The following NYAP2 variants were observed in gnomAD, a reference collection of about 807,000 sequenced individuals.
The protein encoded by NYAP2 is neuronal tyrosine-phosphorylated phosphoinositide-3-kinase adapter 2.
In NYAP2, 23 loss-of-function variants were observed where a neutral mutation model predicts 50.4. That is an observed-to-expected ratio of 0.46 (90% confidence interval 0.33 to 0.65). NYAP2 has a LOEUF of 0.65. NYAP2 is among the 30% of genes least tolerant of loss of function. The pLI, the probability that NYAP2 is intolerant of heterozygous loss-of-function variation, is 0.02. For synonymous variants in NYAP2, 394 were observed against 365.2 expected, an observed-to-expected ratio of 1.08 and a Z score of -0.90; for missense variants, 885 against 861.0, an observed-to-expected ratio of 1.03 and a Z score of -0.35.
intron 5 of NYAP2, among the ~76,000 whole-genome samples, chr2:225,597,934 A>G (rs1383081121): frequency 1.3e-5 from 2 of 152,160 alleles, no homozygotes. Flanking sequence ...CAGAGGTTCC[A>G]TGTTGTTGTT....
intron 3 of NYAP2, among the ~76,000 whole-genome samples, chr2:225,483,914 A>G (rs1335861987): frequency 6.6e-6 from 1 of 152,250 alleles, no homozygotes; most frequent in East Asian, 1.9e-4. Flanking sequence ...ACTATAATAC[A>G]TGGATAAAAT....
intron 4 of NYAP2, among the ~76,000 whole-genome samples, chr2:225,548,017 G>C (rs887058303): frequency 6.6e-6 from 1 of 151,864 alleles, no homozygotes; most frequent in African/African-American, 2.4e-5. Context: ...AAAGAAAGTT[G>C]CAAGAACTAA....
At chr2:225,602,702 C>A (rs917131334) in intron 5 of NYAP2, among the ~76,000 whole-genome samples, 3 of 152,114 alleles carry the variant, frequency 2.0e-5, no homozygotes, top group African/African-American at 7.2e-5. Flanking sequence ...GTTTTCCAAA[C>A]CTACTTTGTT....
chr2:225,466,536 T>C (rs1190610439), intron 3 of NYAP2, among the ~76,000 whole-genome samples: 1 of 152,220 alleles, frequency 6.6e-6, no homozygotes, highest in African/African-American at 2.4e-5. Flanking sequence ...TTAGGGGTTA[T>C]GCAAAGTTAA....
intron 3 of NYAP2, among the ~76,000 whole-genome samples, chr2:225,491,621 G>A (rs1354952836): frequency 4.6e-5 from 7 of 152,068 alleles, no homozygotes; most frequent in Non-Finnish European, 7.4e-5. Flanking sequence ...CCTCCAATAC[G>A]TATGTTGCAA....
intron 3 of NYAP2, among the ~76,000 whole-genome samples, chr2:225,503,450 G>A (rs183007743): frequency 1.3e-5 from 2 of 152,204 alleles, no homozygotes; most frequent in Admixed American, 6.5e-5. Context: ...AAAAGCACTT[G>A]TCATGTTTTA....
intron 5 of NYAP2, among the ~76,000 whole-genome samples, chr2:225,590,135 A>G (rs947333202): frequency 2.6e-5 from 4 of 152,186 alleles, no homozygotes; most frequent in Admixed American, 2.6e-4. Context: ...AAACATCTCA[A>G]ATAAAGGTTA....
intron 3 of NYAP2, among the ~76,000 whole-genome samples, chr2:225,438,948 G>A (rs1463509544): frequency 6.6e-6 from 1 of 152,168 alleles, no homozygotes; most frequent in African/African-American, 2.4e-5. Flanking sequence ...TCAAAGAAGT[G>A]GTGTGACTAA....
At chr2:225,654,095 T>C (rs1413362455), downstream of NYAP2, 1 of 151,824 alleles carries the variant, frequency 6.6e-6, no homozygotes, top group African/African-American at 2.4e-5. Context: ...CCCTCAACCA[T>C]AGTCTTGACT....
At chr2:225,619,513 T>C (rs1342921701) in intron 5 of NYAP2, among the ~76,000 whole-genome samples, 4 of 152,110 alleles carry the variant, frequency 2.6e-5, no homozygotes, top group Non-Finnish European at 2.9e-5. Context: ...GAAGAGTGAA[T>C]AAGAGATTCT....
chr2:225,556,391 G>A (rs145116920), intron 4 of NYAP2, among the ~76,000 whole-genome samples: 1 of 152,220 alleles, frequency 6.6e-6, no homozygotes, highest in East Asian at 1.9e-4. Flanking sequence ...CAATTTTACT[G>A]GCTTAACAAA....
intron 3 of NYAP2, among the ~76,000 whole-genome samples, chr2:225,465,343 C>A (rs1689899778): frequency 6.6e-6 from 1 of 152,066 alleles, no homozygotes; most frequent in Non-Finnish European, 1.5e-5. Context: ...CTACATTTTT[C>A]TTAGAGTTAC....
Position 225,459,681 on chromosome 2 carries a change from T to C in NYAP2, c.221+50580T>C, listed in dbSNP as rs1157943099. Among the ~76,000 whole-genome samples the C allele has an allele frequency of 2.0e-5, 3 of 152,262 alleles. No homozygotes were observed. In the East Asian group the frequency reaches 5.8e-4, roughly 29 times the overall value. On this transcript the variant is annotated intron_variant, in intron 3 of 6. Coordinates refer to ENST00000636099, the Ensembl canonical transcript of NYAP2. ...TTTTTTGAGATGGTGTCTCGCTCTG[T>C]CGCCCAGGCTGGAGTGCAGTGACGT...
chr2:225,526,387 C>T (rs745789943), intron 4 of NYAP2, among the ~76,000 whole-genome samples: 20 of 152,158 alleles, frequency 1.3e-4, no homozygotes, highest in African/African-American at 3.4e-4. Flanking sequence ...GGGCTGTATT[C>T]TCAGGTAGGG....
intron 4 of NYAP2, among the ~76,000 whole-genome samples, chr2:225,563,150 A>G (rs1226913921): frequency 6.6e-6 from 1 of 152,168 alleles, no homozygotes; most frequent in Non-Finnish European, 1.5e-5. Flanking sequence ...AGACAAACAC[A>G]GTCTCTCTAT....
At chr2:225,581,597 C>T (rs1477151697) in intron 4 of NYAP2, among the ~76,000 whole-genome samples, 6 of 152,168 alleles carry the variant, frequency 3.9e-5, no homozygotes, top group Admixed American at 1.3e-4. Flanking sequence ...TCAATTCATG[C>T]AGGTTAATTT....
At chr2:225,574,068 A>G (rs937110058) in intron 4 of NYAP2, among the ~76,000 whole-genome samples, 10 of 152,188 alleles carry the variant, frequency 6.6e-5, no homozygotes, top group Non-Finnish European at 1.5e-4. Flanking sequence ...CAAAAGTTTC[A>G]TGACATGGCA....
At chr2:225,439,021 A>G (rs1179567076) in intron 3 of NYAP2, among the ~76,000 whole-genome samples, 1 of 152,174 alleles carries the variant, frequency 6.6e-6, no homozygotes, top group Non-Finnish European at 1.5e-5. Context: ...GGATGCATAC[A>G]TCTGCATGTG....
chr2:225,438,979 T>C (rs1362330189), intron 3 of NYAP2, among the ~76,000 whole-genome samples: 1 of 152,054 alleles, frequency 6.6e-6, no homozygotes, highest in African/African-American at 2.4e-5. Flanking sequence ...TCCGGGTAAG[T>C]GAGATGTGCT....
Sources: allele counts gnomAD v4.1 joint callset (sites outside exome capture counted in the v4.1 genomes callset), GRCh38; gene constraint gnomAD v4.1.1; transcripts MANE v1.5; gene names NCBI Gene and HGNC (gene_info 2026-07-23, HGNC 2026-07-21).